The following RYR1 variants were observed in gnomAD, a reference collection of about 807,000 sequenced individuals.
RYR1 encodes the protein ryanodine receptor 1.
In RYR1, 342 loss-of-function variants were observed where a neutral mutation model predicts 583.5. That is an observed-to-expected ratio of 0.59 (90% CI 0.54 to 0.64). The LOEUF (loss-of-function observed/expected upper bound fraction) is 0.64, where lower values mean the gene tolerates loss of function less well. Among genes scored for constraint, RYR1 ranks in the 30% least tolerant of loss-of-function variants. RYR1 has a pLI of 0.00. For missense variants in RYR1, 6,032 were observed against 6,917.2 expected (o/e 0.87, Z 4.54); for synonymous variants, 2,791 against 2,822.5 (o/e 0.99, Z 0.35).
chr19:38,546,593 T>G lies in RYR1; in HGVS notation c.12094+67T>G. On this transcript the variant is annotated intron_variant, in intron 88 of 105. Coordinates refer to ENST00000359596, the MANE Select transcript of RYR1 (RefSeq NM_000540.3). ...TCAGAGAAGCCTGAGAATGGCCCCC[T>G]GAGACCCGGGAGACCCTAATCCTCA... is the stretch of plus-strand genomic sequence containing the variant. 3 of 1,309,648 alleles carry G rather than the reference T, an allele frequency of 2.3e-6. No homozygotes were observed. In the Admixed American group the frequency reaches 5.1e-5, roughly 22 times the overall value. The allele number at this position is 1,309,648 out of a possible 1,614,324, so 81.1% of individuals were successfully genotyped here.
intron 34 of RYR1, among the ~76,000 whole-genome samples, chr19:38,488,943 T>TA (rs1437569142): frequency 6.6e-6 from 1 of 152,090 alleles, no homozygotes; most frequent in East Asian, 1.9e-4. Flanking sequence ...GAGGCACTCA[T>TA]ATTTGGGTCT....
At position 38,492,776 on chromosome 19, in the gene RYR1, G is replaced by A. The variant is rs139987834; in HGVS notation, c.6274+140G>A. 909 of 898,876 alleles carry A rather than the reference G, an allele frequency of 1.0e-3. 7 individuals carry two copies. The African/African-American group carries it at 0.013, about 13-fold the overall frequency. 55.7% of individuals were successfully genotyped at this position (898,876 alleles called of 1,614,324 possible). A position where few individuals can be genotyped will look rare whatever the true frequency, so the allele number is the denominator to read the frequency against. On this transcript the variant is annotated intron_variant, in intron 38 of 105. Transcript: ENST00000359596. ...GCAGGAGTGAGAGGGGAAGAGTGGC[G>A]GGCAAAGTGGAAGCAGGCGTGGTGG... is the stretch of plus-strand genomic sequence containing the variant.
chr19:38,564,553 T>C (rs1973298665), intron 90 of RYR1, among the ~76,000 whole-genome samples: 1 of 151,886 alleles, frequency 6.6e-6, no homozygotes, highest in Admixed American at 6.6e-5. Flanking sequence ...ACTTTCACTC[T>C]GTTGCCCAGG....
intron 9 of RYR1, 91 bp downstream of exon 9, chr19:38,446,859 T>G (rs1972968663): frequency 9.8e-7 from 1 of 1,019,214 alleles, no homozygotes; most frequent in Non-Finnish European, 1.5e-6. Flanking sequence ...GAAGATCTGA[T>G]AAAGAGACTG....
chr19:38,552,145 G>A (rs572717064), intron 89 of RYR1, among the ~76,000 whole-genome samples: 1 of 151,804 alleles, frequency 6.6e-6, no homozygotes, highest in South Asian at 2.1e-4. Context: ...TAGAGACGGG[G>A]TTTGACATGT....
chr19:38,491,032 A>T (rs1277136326), intron 37 of RYR1, among the ~76,000 whole-genome samples: 6 of 152,154 alleles, frequency 3.9e-5, no homozygotes, highest in Admixed American at 3.9e-4. Context: ...AGAAGGATGG[A>T]TGGATGGTTG....
rs1468523906 is a variant in RYR1, at chr19:38,505,869, A to AC, written c.8465dup (p.Ile2823AspfsTer8). The AC allele has an allele frequency of 6.2e-7, 1 of 1,614,042 alleles. No homozygotes were observed. The highest frequency in any genetic ancestry group is 1.1e-5 in the South Asian group (1 of 91,068). On this transcript the variant is annotated frameshift_variant, in exon 54 of 106. Transcript: ENST00000359596. LOFTEE classifies it high-confidence loss of function. ...GAAGGCCATGATTGCCTGGGAATGG[A>AC]CGATAGAGAAGGCCAGGGAGGGTGA...
chr19:38,470,262 T>A (rs998080178), intron 27 of RYR1, among the ~76,000 whole-genome samples: 4 of 150,210 alleles, frequency 2.7e-5, no homozygotes, highest in African/African-American at 7.4e-5. Flanking sequence ...AAAAAAAAAT[T>A]TTTTTTTAAT....
At chr19:38,586,219 G>C in intron 104 of RYR1, 28 bp downstream of exon 104, 2 of 1,602,058 alleles carry the variant, frequency 1.2e-6, no homozygotes, top group South Asian at 2.2e-5. Context: ...CCAGTCAGGA[G>C]GGTGGGGGGC....
intron 89 of RYR1, among the ~76,000 whole-genome samples, chr19:38,552,611 G>A (rs1486773797): frequency 6.6e-6 from 1 of 152,160 alleles, no homozygotes; most frequent in African/African-American, 2.4e-5. Flanking sequence ...AGATTAAACG[G>A]ACATGCTTAA....
At position 38,500,418 on chromosome 19, in the gene RYR1, G is replaced by T. The variant is rs1828621354; in HGVS notation, c.7324-188G>T. 8.3e-6 allele frequency among the ~76,000 whole-genome samples: 1 copy of T among 120,856 alleles called. No individual in the cohort carries two copies. The highest frequency in any genetic ancestry group is 1.7e-5 in the Non-Finnish European group (1 of 59,100). 79.3% of individuals were successfully genotyped at this position (120,856 alleles called of 152,430 possible). On this transcript the variant is annotated intron_variant, in intron 45 of 105. Coordinates refer to ENST00000359596, the MANE Select transcript of RYR1 (RefSeq NM_000540.3). The surrounding 1 kb of genome is among the most constrained non-coding windows in gnomAD (Gnocchi z 5.9). ...AGAGGGGTCAGGATGAGGTTGGGGG[G>T]AACAAGGAGAGAGGTCGGGACTGGG...
At position 38,492,567 on chromosome 19, in the gene RYR1, A is replaced by G. The variant is rs1568491564; in HGVS notation, c.6205A>G (p.Lys2069Glu). The change falls in exon 38 of 106, where the codon AAA (lysine) becomes GAA (glutamate). Residue 2069 changes from lysine (K) to glutamate (E), a missense_variant. Coordinates refer to ENST00000359596, the MANE Select transcript of RYR1 (RefSeq NM_000540.3). ...CAGCCGCCTCATGAGCCTGTTGGAG[A>G]AAGTGCGGCTGGTGAAGAAGAAGGA... ...LGSRLMSLLE[K>E]VRLVKKKEEK... is the part of the protein sequence containing the mutation. 1 of 1,614,064 alleles carries G rather than the reference A, an allele frequency of 6.2e-7. No homozygotes were observed. The highest frequency in any genetic ancestry group is 1.7e-5 in the Admixed American group (1 of 60,002).
chr19:38,441,896 G>A (rs560543242), intron 2 of RYR1, among the ~76,000 whole-genome samples: 65 of 152,024 alleles, frequency 4.3e-4, no homozygotes, highest in Middle Eastern at 3.4e-3. Flanking sequence ...AGGCAGGAGC[G>A]AGGACTGTGT....
In RYR1 at chr19:38,500,650, C is replaced by T. The variant is rs371851375; in HGVS notation, c.7368C>T (p.Ile2456=). 17 of 1,613,830 alleles carry T rather than the reference C, an allele frequency of 1.1e-5. No individual in the cohort carries two copies. The highest frequency in any genetic ancestry group is 1.4e-5 in the Non-Finnish European group (17 of 1,180,040). The change falls in exon 46 of 106, where the codon ATC becomes ATT. Residue 2456 remains isoleucine, a synonymous_variant. Coordinates refer to ENST00000359596, the MANE Select transcript of RYR1 (RefSeq NM_000540.3). The surrounding 1 kb of genome is among the most constrained non-coding windows in gnomAD (Gnocchi z 5.9). ...GTGAGGCCCTGCGGATCCGCGCCAT[C>T]CTCCGCTCCCTTGTGCCCTTGGAGG... ...GKGEALRIRA[I]LRSLVPLEDL...
Position 38,496,792 on chromosome 19 carries a change from GGGAGGGCTTCC to G in RYR1, c.6797-67_6797-57del. Reference sequence around the variant, plus strand: ...ATCCAGGCTGGAAAAAGGGTGGTCAGGGAGGGCTTCCCAGAGGAGGCGAGACAAGCAGGAGT... The same window carrying G: ...ATCCAGGCTGGAAAAAGGGTGGTCAGCAGAGGAGGCGAGACAAGCAGGAGT... On this transcript the variant is annotated intron_variant, in intron 41 of 105. Coordinates refer to ENST00000359596, the MANE Select transcript of RYR1 (RefSeq NM_000540.3). This position sits in a 1 kb window ranked among gnomAD's most constrained non-coding sequence, Gnocchi z 4.8. 1 of 1,484,032 alleles carries G rather than the reference GGGAGGGCTTCC, an allele frequency of 6.7e-7. No individual in the cohort carries two copies. Among genetic ancestry groups the G allele is most frequent in the South Asian group, 1.1e-5 (1 of 87,736 alleles). The allele number at this position is 1,484,032 out of a possible 1,614,324, so 91.9% of individuals were successfully genotyped here.
At chr19:38,488,747 T>C (rs7253112) in intron 34 of RYR1, among the ~76,000 whole-genome samples, 33,831 of 152,070 alleles carry the variant, frequency 0.22, 5,218 homozygotes, top group African/African-American at 0.43. Context: ...TCAAGTGATC[T>C]GCCCGCCTTG....
intron 99 of RYR1, 109 bp downstream of exon 99, chr19:38,578,313 G>A: frequency 9.1e-7 from 1 of 1,096,204 alleles, no homozygotes; most frequent in Non-Finnish European, 1.4e-6. Flanking sequence ...GACCCTGAGT[G>A]GCTGTGACCC....
At chr19:38,471,329 G>C (rs1033265842) in intron 27 of RYR1, among the ~76,000 whole-genome samples, 1 of 152,098 alleles carries the variant, frequency 6.6e-6, no homozygotes, top group Non-Finnish European at 1.5e-5. Flanking sequence ...AGGAATTCAA[G>C]ACCAGCCTGG....
intron 87 of RYR1, among the ~76,000 whole-genome samples, chr19:38,545,605 G>A (rs1419290328): frequency 6.6e-6 from 1 of 152,148 alleles, no homozygotes; most frequent in East Asian, 1.9e-4. Flanking sequence ...CTGAGGTCAG[G>A]AGTTCGAGAC....
Sources: gnomAD v4.1 joint callset for allele counts (sites outside exome capture counted in the v4.1 genomes callset) on GRCh38, gnomAD v4.1.1 for gene constraint, Gnocchi (gnomAD v3.1) non-coding constraint, MANE v1.5 for transcripts, NCBI Gene and HGNC (gene_info 2026-07-23, HGNC 2026-07-21) for gene names.